Variants in ADAMTS20 observed in about 807,000 individuals in gnomAD.
ADAMTS20 encodes A disintegrin and metalloproteinase with thrombospondin motifs 20.
In ADAMTS20, 225 loss-of-function variants were observed where a neutral mutation model predicts 260.1. The ratio of observed to expected loss-of-function variants is 0.87; its 90% CI spans 0.78 to 0.97. The LOEUF is 0.97. ADAMTS20 is among the 50% of genes least tolerant of loss of function. The pLI is 0.00. For missense variants in ADAMTS20, 2,400 were observed against 2,337.7 expected (o/e 1.03, Z -0.55); for synonymous variants, 802 against 769.5 (o/e 1.04, Z -0.70).
intron 36 of ADAMTS20, 84 bp from the exon 37 acceptor site, chr12:43,369,465 C>A: frequency 1.6e-6 from 1 of 627,948 alleles, no homozygotes; most frequent in African/African-American, 1.9e-5. Flanking sequence ...TTATTACTTA[C>A]TTAGTAAATA....
At chr12:43,508,591 T>C (rs1942877384) in intron 3 of ADAMTS20, among the ~76,000 whole-genome samples, 2 of 146,700 alleles carry the variant, frequency 1.4e-5, no homozygotes, top group African/African-American at 2.6e-5. Flanking sequence ...CAGAGTGTTT[T>C]CTTAATTAAA....
intron 21 of ADAMTS20, 116 bp from the exon 22 acceptor site, chr12:43,431,612 G>T (rs2201465): frequency 0.26 from 315,645 of 1,237,716 alleles, 42,175 homozygotes; most frequent in South Asian, 0.4. Context: ...ATTCCCAAAT[G>T]CATTTTCCCT....
intron 38 of ADAMTS20, among the ~76,000 whole-genome samples, chr12:43,355,631 G>C (rs890262347): frequency 6.6e-6 from 1 of 152,012 alleles, no homozygotes; most frequent in African/African-American, 2.4e-5. Flanking sequence ...AAACATTAGA[G>C]TATACCGGGG....
intron 28 of ADAMTS20, among the ~76,000 whole-genome samples, chr12:43,408,959 A>T (rs1940971801): frequency 6.6e-6 from 1 of 152,172 alleles, no homozygotes; most frequent in Middle Eastern, 3.2e-3. Context: ...AAATTAGATA[A>T]TGTATGAAGA....
intron 14 of ADAMTS20, among the ~76,000 whole-genome samples, chr12:43,447,412 T>C (rs895316780): frequency 1.3e-5 from 2 of 152,186 alleles, no homozygotes; most frequent in African/African-American, 4.8e-5. Context: ...TCTCAATAGA[T>C]GCAGAAAATG....
chr12:43,445,361 C>T (rs896839803), intron 15 of ADAMTS20, among the ~76,000 whole-genome samples: 11 of 151,606 alleles, frequency 7.3e-5, no homozygotes, highest in Non-Finnish European at 1.0e-4. Flanking sequence ...GTGTAGCTCC[C>T]AAGAAATAAC....
intron 7 of ADAMTS20, among the ~76,000 whole-genome samples, chr12:43,469,982 T>A (rs1942223536): frequency 6.6e-6 from 1 of 152,106 alleles, no homozygotes; most frequent in Admixed American, 6.5e-5. Flanking sequence ...GCAAGGTCCC[T>A]CCAGAAAACG....
chr12:43,472,665 G>A (rs988455737), intron 7 of ADAMTS20, among the ~76,000 whole-genome samples: 2 of 140,062 alleles, frequency 1.4e-5, no homozygotes, highest in Admixed American at 7.1e-5. Flanking sequence ...AGCCAGAAGA[G>A]AGTGGGGGCC....
At chr12:43,382,280 C>A (rs969016319) in intron 31 of ADAMTS20, among the ~76,000 whole-genome samples, 6 of 152,036 alleles carry the variant, frequency 3.9e-5, no homozygotes, top group Non-Finnish European at 7.4e-5. Context: ...TATATTCCTA[C>A]AATGGAATAT....
intron 14 of ADAMTS20, among the ~76,000 whole-genome samples, chr12:43,451,478 CA>C (rs1277336886): frequency 1.4e-5 from 2 of 139,416 alleles, no homozygotes; most frequent in Non-Finnish European, 3.2e-5. Context: ...TATGTGTTTC[CA>C]AGGAGTTAAG....
intron 28 of ADAMTS20, among the ~76,000 whole-genome samples, chr12:43,411,431 G>A (rs1255578336): frequency 3.9e-5 from 6 of 152,076 alleles, no homozygotes; most frequent in African/African-American, 1.2e-4. Flanking sequence ...TCAATGGCAC[G>A]ATCTCGGCTC....
chr12:43,474,659 T>C (rs200006698), intron 7 of ADAMTS20, among the ~76,000 whole-genome samples: 2,173 of 106,488 alleles, frequency 0.02, 41 homozygotes, highest in East Asian at 0.069. Flanking sequence ...GTAGGCTTCA[T>C]CCCTGGGATG....
chr12:43,534,247 C>T (rs1037996907), intron 2 of ADAMTS20, among the ~76,000 whole-genome samples: 1 of 147,780 alleles, frequency 6.8e-6, no homozygotes, highest in Non-Finnish European at 1.5e-5. Flanking sequence ...GGGCTAATAT[C>T]CAGAATCTAC....
At chr12:43,526,099 A>C (rs1403588393) in intron 3 of ADAMTS20, among the ~76,000 whole-genome samples, 3 of 152,356 alleles carry the variant, frequency 2.0e-5, no homozygotes, top group East Asian at 1.9e-4. Context: ...AGCACATGGA[A>C]CATTTTCTAA....
In ADAMTS20 at chr12:43,505,793, G is replaced by A. The variant is rs76325989; in HGVS notation, c.614-3388C>T. On this transcript the variant is annotated intron_variant, in intron 3 of 38. Transcript: ENST00000389420. ...CATATGATCCAGCAATCCTACTGGG[G>A]TAAATATCCAAAAACAATGAAAGCA... is the stretch of plus-strand genomic sequence containing the variant. Among the ~76,000 whole-genome samples, 987 of 152,212 alleles carry A rather than the reference G, an allele frequency of 6.5e-3. 11 individuals carry two copies. The highest frequency in any genetic ancestry group is 0.022 in the African/African-American group (919 of 41,504).
chr12:43,530,885 A>C (rs1481047987), intron 3 of ADAMTS20, among the ~76,000 whole-genome samples: 1 of 152,046 alleles, frequency 6.6e-6, no homozygotes, highest in East Asian at 1.9e-4. Context: ...TTATAGAAAA[A>C]AATGATGAAA....
At chr12:43,425,739 A>G in intron 27 of ADAMTS20, 49 bp from the exon 28 acceptor site, 3 of 1,291,288 alleles carry the variant, frequency 2.3e-6, no homozygotes, top group Non-Finnish European at 3.2e-6. Flanking sequence ...AAAGAGAATA[A>G]TGTATTGCTT....
intron 15 of ADAMTS20, among the ~76,000 whole-genome samples, chr12:43,445,739 G>A (rs1198901951): frequency 6.6e-6 from 1 of 151,880 alleles, no homozygotes; most frequent in African/African-American, 2.4e-5. Context: ...GTAGTTCTAG[G>A]TACTGGGGAT....
intron 2 of ADAMTS20, among the ~76,000 whole-genome samples, chr12:43,534,711 C>T (rs1164202617): frequency 6.6e-6 from 1 of 151,778 alleles, no homozygotes; most frequent in Non-Finnish European, 1.5e-5. Context: ...TATCATTACA[C>T]CAAAACAAAA....
Sources: allele counts gnomAD v4.1 joint callset (sites outside exome capture counted in the v4.1 genomes callset), GRCh38; gene constraint gnomAD v4.1.1; transcripts MANE v1.5; gene names NCBI Gene and HGNC (gene_info 2026-07-23, HGNC 2026-07-21).